TSPAN18: variants seen among roughly 807,000 people sequenced by gnomAD.
TSPAN18 encodes the protein tetraspanin-18.
A neutral mutation model predicts 27.3 loss-of-function variants in TSPAN18; 14 were observed. The ratio of observed to expected loss-of-function variants is 0.51; its 90% CI spans 0.34 to 0.80. The LOEUF is 0.80. TSPAN18 is among the 30% of genes least tolerant of loss of function. The pLI, the probability that TSPAN18 is intolerant of heterozygous loss-of-function variation, is 0.01. For missense variants in TSPAN18, 268 were observed against 323.9 expected (o/e 0.83, Z 1.32); for synonymous variants, 143 against 136.5 (o/e 1.05, Z -0.33).
chr11:44,800,226 G>A (rs2135066444), intron 2 of TSPAN18, among the ~76,000 whole-genome samples: 2 of 152,200 alleles, frequency 1.3e-5, no homozygotes, highest in East Asian at 3.9e-4. Flanking sequence ...CGTGCTTTAA[G>A]ATTCACAACA....
At chr11:44,773,781 A>C (rs906335742) in intron 2 of TSPAN18, among the ~76,000 whole-genome samples, 2 of 152,138 alleles carry the variant, frequency 1.3e-5, no homozygotes, top group Admixed American at 1.3e-4. Context: ...ATGGATGGAC[A>C]CAAGACCAGC....
chr11:44,894,567 T>C (rs1858973282), intron 3 of TSPAN18, among the ~76,000 whole-genome samples: 1 of 152,220 alleles, frequency 6.6e-6, no homozygotes, highest in Non-Finnish European at 1.5e-5. Context: ...CAGATGGGGC[T>C]GAGCCGCCAT....
At chr11:44,874,070 G>C (rs1028630768) in intron 3 of TSPAN18, among the ~76,000 whole-genome samples, 1 of 152,148 alleles carries the variant, frequency 6.6e-6, no homozygotes, top group Admixed American at 6.5e-5. Context: ...TGAGTGGGGT[G>C]GGAAAGACCC....
At chr11:44,788,061 G>A (rs1856100638) in intron 2 of TSPAN18, among the ~76,000 whole-genome samples, 1 of 152,176 alleles carries the variant, frequency 6.6e-6, no homozygotes, top group Non-Finnish European at 1.5e-5. Flanking sequence ...ATGGAAATGG[G>A]AGCTGGCTGG....
intron 2 of TSPAN18, among the ~76,000 whole-genome samples, chr11:44,834,595 G>C (rs1857226010): frequency 6.6e-6 from 1 of 152,132 alleles, no homozygotes. Context: ...TAGGGAGTTG[G>C]GGAAGTCATA....
chr11:44,898,509 T>G (rs1006075548), intron 3 of TSPAN18, among the ~76,000 whole-genome samples: 12 of 152,280 alleles, frequency 7.9e-5, no homozygotes, highest in Non-Finnish European at 1.0e-4. Context: ...TCTGTTGCTA[T>G]GACTGAACAC....
chr11:44,896,807 C>A (rs1037099948), intron 3 of TSPAN18, among the ~76,000 whole-genome samples: 1 of 152,182 alleles, frequency 6.6e-6, no homozygotes, highest in South Asian at 2.1e-4. Context: ...ACCACTACCA[C>A]CACTCACTTG....
intron 2 of TSPAN18, among the ~76,000 whole-genome samples, chr11:44,823,828 C>T (rs1020996288): frequency 2.0e-5 from 3 of 152,098 alleles, no homozygotes; most frequent in Non-Finnish European, 4.4e-5. Flanking sequence ...TTCCCATCAC[C>T]CTCTGAGACA....
chr11:44,875,908 A>G (rs10769085), intron 3 of TSPAN18, among the ~76,000 whole-genome samples: 151,498 of 152,346 alleles, frequency 0.99, 75,334 homozygotes, highest in Middle Eastern at 1. Context: ...AATAGGCCTC[A>G]GGTATGTGAA....
intron 5 of TSPAN18, among the ~76,000 whole-genome samples, chr11:44,914,656 G>A (rs1424106656): frequency 6.6e-6 from 1 of 152,206 alleles, no homozygotes; most frequent in African/African-American, 2.4e-5. Context: ...TTGGGGTGAA[G>A]TCCCAGAGGT....
At chr11:44,783,277 A>G (rs1174516138) in intron 2 of TSPAN18, among the ~76,000 whole-genome samples, 1 of 152,244 alleles carries the variant, frequency 6.6e-6, no homozygotes, top group Non-Finnish European at 1.5e-5. Flanking sequence ...TGATAAACTG[A>G]CTTCACTGAA....
intron 2 of TSPAN18, among the ~76,000 whole-genome samples, chr11:44,837,848 T>A (rs907124659): frequency 6.6e-6 from 1 of 152,254 alleles, no homozygotes; most frequent in African/African-American, 2.4e-5. Context: ...ACATTTTTTT[T>A]AAACAATGCT....
intron 2 of TSPAN18, among the ~76,000 whole-genome samples, chr11:44,847,072 C>T (rs371456444): frequency 2.8e-4 from 43 of 152,254 alleles, no homozygotes; most frequent in East Asian, 7.7e-4. Context: ...GAGGGAGAGA[C>T]GCAGGGCTGT....
At chr11:44,877,028 T>G (rs186278633) in intron 3 of TSPAN18, among the ~76,000 whole-genome samples, 35 of 152,336 alleles carry the variant, frequency 2.3e-4, no homozygotes, top group African/African-American at 8.2e-4. Context: ...GAGGGACTTC[T>G]CCGCCTCTGA....
intron 3 of TSPAN18, among the ~76,000 whole-genome samples, chr11:44,900,254 C>A (rs981958151): frequency 2.0e-5 from 3 of 152,118 alleles, no homozygotes; most frequent in Non-Finnish European, 4.4e-5. Context: ...TTCAGCCTGG[C>A]GGTGGGTGAT....
Position 44,904,047 on chromosome 11 carries a change from T to G in TSPAN18, c.-10-2360T>G, listed in dbSNP as rs571989345. On this transcript the variant is annotated intron_variant, in intron 3 of 9. Transcript: ENST00000520358. Reference sequence around the variant, plus strand: ...GTGGATGATCTCAGGAAAACCCTGATTTCCCATTACCCCAACACAATTTAA... The same window carrying G: ...GTGGATGATCTCAGGAAAACCCTGAGTTCCCATTACCCCAACACAATTTAA... Among the ~76,000 whole-genome samples, 8 of 152,336 alleles carry G rather than the reference T, an allele frequency of 5.3e-5. No homozygotes were observed. The East Asian group carries it at 1.4e-3, about 26-fold the overall frequency.
intron 2 of TSPAN18, among the ~76,000 whole-genome samples, chr11:44,849,932 G>T (rs988115742): frequency 1.3e-5 from 2 of 152,176 alleles, no homozygotes; most frequent in African/African-American, 4.8e-5. Flanking sequence ...TGGGTGGGGG[G>T]CATCCGACTT....
chr11:44,743,212 C>T (rs2134830128), intron 1 of TSPAN18, among the ~76,000 whole-genome samples: 1 of 152,238 alleles, frequency 6.6e-6, no homozygotes, highest in South Asian at 2.1e-4. Flanking sequence ...TGGGTTCTGT[C>T]AGGCCCTGAA....
chr11:44,792,461 G>A (rs548559218), intron 2 of TSPAN18, among the ~76,000 whole-genome samples: 19 of 152,198 alleles, frequency 1.2e-4, no homozygotes, highest in Middle Eastern at 3.2e-3. Flanking sequence ...GGGGCCTTGC[G>A]GGCACTTGAG....
Sources: gnomAD v4.1 joint callset for allele counts (sites outside exome capture counted in the v4.1 genomes callset) on GRCh38, gnomAD v4.1.1 for gene constraint, MANE v1.5 for transcripts, NCBI Gene and HGNC (gene_info 2026-07-23, HGNC 2026-07-21) for gene names.